Variants in XKR5 observed in about 807,000 individuals in gnomAD.
The protein encoded by XKR5 is XK related 5.
In XKR5, 46 loss-of-function variants were observed where a neutral mutation model predicts 40.8. The observed-to-expected ratio is 1.13, with a 90% confidence interval of 0.89 to 1.44. The LOEUF (loss-of-function observed/expected upper bound fraction) is 1.44. Among genes scored for constraint, XKR5 ranks in the 40% most tolerant of loss-of-function variants. XKR5 has a pLI of 0.00. For synonymous variants in XKR5, 466 were observed against 356.1 expected (o/e 1.31, Z -3.48); for missense variants, 1,169 against 844.7 (o/e 1.38, Z -4.76).
At chr8:6,816,359 T>C (rs988068639) in intron 5 of XKR5, among the ~76,000 whole-genome samples, 1 of 152,158 alleles carries the variant, frequency 6.6e-6, no homozygotes, top group South Asian at 2.1e-4. Context: ...ACAAACTTTC[T>C]AACAACTTTA....
intron 6 of XKR5, among the ~76,000 whole-genome samples, chr8:6,813,561 C>G (rs1327918500): frequency 6.6e-6 from 1 of 152,178 alleles, no homozygotes; most frequent in Non-Finnish European, 1.5e-5. Context: ...CAAGCTTGTG[C>G]TCCTTGGACT....
At position 6,823,546 on chromosome 8, in the gene XKR5, G is replaced by T; in HGVS notation, c.612C>A (p.Tyr204Ter). 1 of 1,592,334 alleles carries T rather than the reference G, an allele frequency of 6.3e-7. No individual in the cohort carries two copies. Among genetic ancestry groups the T allele is most frequent in the Non-Finnish European group, 8.6e-7 (1 of 1,169,350 alleles). Reference protein sequence around the residue: ...VLSLVLFYKAYHFWVFVVAGA... With the variant: ...VLSLVLFYKA ...CTGCAACCACAAAAACCCAAAAGTG[G>T]TAGGCTTTGTAGAACAGAACCAGAC... Residue 204 changes from tyrosine to a stop codon, truncating the protein, a stop_gained, in exon 4 of 7, where the codon TAC (tyrosine) becomes TAA (stop). Transcript: ENST00000618742. LOFTEE classifies it high-confidence loss of function.
At chr8:6,826,110 G>T (rs1804464109) in intron 2 of XKR5, among the ~76,000 whole-genome samples, 1 of 152,186 alleles carries the variant, frequency 6.6e-6, no homozygotes, top group African/African-American at 2.4e-5. Flanking sequence ...GTATATGGGT[G>T]AACACACATG....
chr8:6,820,787 T>A (rs141340737), intron 5 of XKR5, among the ~76,000 whole-genome samples: 10 of 152,216 alleles, frequency 6.6e-5, no homozygotes, highest in African/African-American at 2.4e-4. Context: ...GCCTGTGGGG[T>A]CACTGTGCTA....
At position 6,815,810 on chromosome 8, in the gene XKR5, T is replaced by C; in HGVS notation, c.916A>G (p.Ile306Val). ...AGAAGGTGACATTGGGACTTACCAA[T>C]CAGAAATCCAGACAGGACCCCAGCT... ...TIAGVLSGFL[I>V]GSVSLVIYYS... is the part of the protein sequence containing the mutation. The change falls in exon 6 of 7, where the codon ATT becomes GTT. Residue 306 changes from isoleucine (I) to valine (V), a missense_variant. Ile to Val is a conservative substitution (Grantham distance 29). Transcript: ENST00000618742. 6.3e-7 allele frequency: 1 copy of C among 1,595,802 alleles called. No individual in the cohort carries two copies. Among genetic ancestry groups the C allele is most frequent in the Non-Finnish European group, 8.5e-7 (1 of 1,170,366 alleles).
At chr8:6,812,944 T>C (rs192362876) in intron 6 of XKR5, among the ~76,000 whole-genome samples, 105 of 152,386 alleles carry the variant, frequency 6.9e-4, no homozygotes, top group Non-Finnish European at 1.4e-3. Flanking sequence ...TTTATTTTGA[T>C]CAGAAGTGTT....
At chr8:6,831,099 C>G (rs185166243) in intron 2 of XKR5, among the ~76,000 whole-genome samples, 1 of 152,180 alleles carries the variant, frequency 6.6e-6, no homozygotes, top group African/African-American at 2.4e-5. Context: ...ACTCAACAGG[C>G]CTCTGTCCTC....
chr8:6,827,176 C>A (rs1804528961), intron 2 of XKR5, among the ~76,000 whole-genome samples: 1 of 152,172 alleles, frequency 6.6e-6, no homozygotes, highest in Admixed American at 6.5e-5. Context: ...GATTTCGCCA[C>A]CACCCACCAA....
In XKR5 at chr8:6,816,540, C is replaced by A. The variant is rs554472649; in HGVS notation, c.808-622G>T. Among the ~76,000 whole-genome samples the A allele has an allele frequency of 5.9e-5, 9 of 151,704 alleles. 1 individual carries two copies. The South Asian group carries it at 1.5e-3, about 25-fold the overall frequency. ...TGGGTCAGCTTATTAACTTTGCTTT[C>A]CAATTTTTAAATATAAAAAGATACG... On this transcript the variant is annotated intron_variant, in intron 5 of 6. Transcript: ENST00000618742.
chr8:6,833,523 G>C (rs1312775835), intron 1 of XKR5, among the ~76,000 whole-genome samples: 2 of 152,188 alleles, frequency 1.3e-5, no homozygotes, highest in African/African-American at 4.8e-5. Flanking sequence ...TCGACGTCAG[G>C]AGTTCAAGAC....
At chr8:6,834,483 G>A (rs1804913886) in intron 1 of XKR5, among the ~76,000 whole-genome samples, 1 of 152,226 alleles carries the variant, frequency 6.6e-6, no homozygotes, top group Non-Finnish European at 1.5e-5. Flanking sequence ...GGAGGGCAAG[G>A]GAGGACACCT....
intron 6 of XKR5, among the ~76,000 whole-genome samples, chr8:6,814,445 C>G (rs1488531097): frequency 6.6e-6 from 1 of 152,002 alleles, no homozygotes; most frequent in Non-Finnish European, 1.5e-5. Context: ...AAACAGAGAA[C>G]AGAATAATGG....
intron 4 of XKR5, 84 bp downstream of exon 4, chr8:6,823,437 T>A (rs1804326653): frequency 2.1e-5 from 29 of 1,407,818 alleles, no homozygotes; most frequent in Non-Finnish European, 2.8e-5. Flanking sequence ...GGATTGAGGA[T>A]CATATGTGGT....
chr8:6,826,618 G>A lies in XKR5; in HGVS notation c.243-1269C>T, dbSNP rs141727625. ...AGGTGAGGAGTGCTGGATTGGCCAC[G>A]ATATGAATTTCTTCAGCAGTGAGGA... On this transcript the variant is annotated intron_variant, in intron 2 of 6. Coordinates refer to ENST00000618742, the MANE Select transcript of XKR5 (RefSeq NM_207411.5). 1.8e-4 allele frequency among the ~76,000 whole-genome samples: 28 copies of A among 152,268 alleles called. No homozygotes were observed. The East Asian group carries it at 4.4e-3, about 24-fold the overall frequency.
At position 6,811,364 on chromosome 8, in the gene XKR5, G is replaced by T; in HGVS notation, c.1895C>A (p.Pro632His). The change falls in exon 7 of 7, where the codon CCC (proline) becomes CAC (histidine). Residue 632 changes from proline (P) to histidine (H), a missense_variant. Physicochemically the swap from Pro to His is moderately conservative, Grantham distance 77 (BLOSUM62 -2). Coordinates refer to ENST00000618742, the MANE Select transcript of XKR5 (RefSeq NM_207411.5). ...SISELEEPLEPKRELSHHAAV... is the reference protein window; with the variant it reads ...SISELEEPLEHKRELSHHAAV... ...TGCATGGTGACTTAGCTCCCTTTTG[G>T]GCTCCAGCGGCTCCTCTAGCTCTGA... 6.5e-7 allele frequency: 1 copy of T among 1,537,340 alleles called. No individual in the cohort carries two copies. Among genetic ancestry groups the T allele is most frequent in the Non-Finnish European group, 8.7e-7 (1 of 1,146,938 alleles).
intron 4 of XKR5, 64 bp from the exon 5 acceptor site, chr8:6,822,102 A>G: frequency 6.7e-7 from 1 of 1,489,600 alleles, no homozygotes; most frequent in African/African-American, 1.4e-5. Flanking sequence ...AGGCAAGGAC[A>G]CAGAGACCAG....
chr8:6,833,979 G>C (rs1427132937), intron 1 of XKR5, among the ~76,000 whole-genome samples: 1 of 152,158 alleles, frequency 6.6e-6, no homozygotes, highest in Non-Finnish European at 1.5e-5. Flanking sequence ...AGTGGAGAGA[G>C]AATGTGCACT....
chr8:6,820,279 A>C (rs1804172866), intron 5 of XKR5, among the ~76,000 whole-genome samples: 1 of 152,052 alleles, frequency 6.6e-6, no homozygotes, highest in South Asian at 2.1e-4. Context: ...ACTGTGGTAG[A>C]TCTCACTCCA....
intron 4 of XKR5, among the ~76,000 whole-genome samples, chr8:6,822,880 A>G (rs117897597): frequency 3.3e-5 from 5 of 152,368 alleles, no homozygotes; most frequent in African/African-American, 9.6e-5. Flanking sequence ...TTCAGCATTC[A>G]AAGGAAATGG....
Sources: gnomAD v4.1 joint callset for allele counts (sites outside exome capture counted in the v4.1 genomes callset) on GRCh38, gnomAD v4.1.1 for gene constraint, MANE v1.5 for transcripts, NCBI Gene and HGNC (gene_info 2026-07-23, HGNC 2026-07-21) for gene names.